The following GALNT13 variants were observed in gnomAD, a reference collection of about 807,000 sequenced individuals.
The protein encoded by GALNT13 is UDP-GalNAc:polypeptide N-acetylgalactosaminyltransferase 13.
A neutral mutation model predicts 64.2 loss-of-function variants in GALNT13; 28 were observed. The ratio of observed to expected loss-of-function variants is 0.44; its 90% CI spans 0.32 to 0.60. The LOEUF is 0.60. Among genes scored for constraint, GALNT13 ranks in the 20% least tolerant of loss-of-function variants. The probability of loss-of-function intolerance (pLI) is 0.05; values close to 1 mark genes in which losing one functional copy is unlikely to be tolerated. For synonymous variants in GALNT13, 214 were observed against 224.6 expected (o/e 0.95, Z 0.42); for missense variants, 577 against 669.8 (o/e 0.86, Z 1.53).
At chr2:153,135,870 T>A in the GALNT13 span, among the ~76,000 whole-genome samples, 2 of 152,018 alleles carry the variant, frequency 1.3e-5, no homozygotes, top group Admixed American at 1.3e-4. Flanking sequence ...AAGAATTAAT[T>A]TTTATATATG....
chr2:153,611,843 C>T, the GALNT13 span, among the ~76,000 whole-genome samples: 9 of 151,946 alleles, frequency 5.9e-5, no homozygotes, highest in African/African-American at 2.2e-4. Context: ...TGTCCTAGTG[C>T]TCTCCCTCCC....
chr2:153,439,017 T>G, the GALNT13 span, among the ~76,000 whole-genome samples: 4 of 152,174 alleles, frequency 2.6e-5, no homozygotes, highest in Non-Finnish European at 5.9e-5. Flanking sequence ...GTCCTTTCTG[T>G]TTGTTAGTTT....
the GALNT13 span, among the ~76,000 whole-genome samples, chr2:153,220,997 A>C: frequency 6.6e-6 from 1 of 152,124 alleles, no homozygotes; most frequent in Non-Finnish European, 1.5e-5. Flanking sequence ...GGTGGAGATC[A>C]AGAGGAAGGA....
At chr2:154,318,868 TAC>T (rs1694466520) in intron 9 of GALNT13, among the ~76,000 whole-genome samples, 1 of 152,054 alleles carries the variant, frequency 6.6e-6, no homozygotes, top group Admixed American at 6.6e-5. Context: ...ATTTTAAGTA[TAC>T]ACACGCGCGC....
At chr2:153,658,603 C>T in the GALNT13 span, among the ~76,000 whole-genome samples, 1 of 152,024 alleles carries the variant, frequency 6.6e-6, no homozygotes, top group Admixed American at 6.6e-5. Context: ...TCAAATAGTG[C>T]TTATTTTCTT....
chr2:153,555,198 T>G, the GALNT13 span, among the ~76,000 whole-genome samples: 1 of 126,244 alleles, frequency 7.9e-6, no homozygotes, highest in East Asian at 2.2e-4. Flanking sequence ...TACTTTTTTT[T>G]TTTTTTTTTT....
chr2:153,222,307 T>TGGGGGCGGGGGGCGGGGG, the GALNT13 span, among the ~76,000 whole-genome samples: 3 of 6,326 alleles, frequency 4.7e-4, no homozygotes, highest in African/African-American at 2.2e-3. Flanking sequence ...TGAGTCTGGC[T>TGGGGGCGGGGGGCGGGGG]GGGGGGGGGG....
rs116179418 is a variant in GALNT13 at position 154,048,012 on chromosome 2, A to T, written c.143-92325A>T. Among the ~76,000 whole-genome samples the T allele has an allele frequency of 7.0e-3, 1,062 of 152,312 alleles. 10 individuals carry two copies. The highest frequency in any genetic ancestry group is 0.023 in the African/African-American group (975 of 41,564). On this transcript the variant is annotated intron_variant, in intron 3 of 12. Transcript: ENST00000392825. ...GTAATTTATAAAGAAAAGAGGTTTAATTGGCTCATGATTCAGCAGGCTGTT... is the reference window on the plus strand; with the variant it reads ...GTAATTTATAAAGAAAAGAGGTTTATTTGGCTCATGATTCAGCAGGCTGTT...
chr2:153,660,192 C>G, the GALNT13 span, among the ~76,000 whole-genome samples: 55 of 152,180 alleles, frequency 3.6e-4, no homozygotes, highest in African/African-American at 1.0e-3. Context: ...TTAGGTTGTC[C>G]ATTAAACTTC....
intron 3 of GALNT13, among the ~76,000 whole-genome samples, chr2:154,079,567 C>T (rs1701165658): frequency 6.6e-6 from 1 of 151,516 alleles, no homozygotes; most frequent in East Asian, 1.9e-4. Context: ...TAACCTTGCA[C>T]CTCAAATTTT....
intron 1 of GALNT13, among the ~76,000 whole-genome samples, chr2:153,889,427 C>A (rs1233172679): frequency 3.3e-5 from 5 of 151,960 alleles, no homozygotes; most frequent in Admixed American, 3.3e-4. Context: ...TCCTTCCTCA[C>A]CCCACACTAA....
chr2:153,521,852 T>A, the GALNT13 span, among the ~76,000 whole-genome samples: 1 of 152,202 alleles, frequency 6.6e-6, no homozygotes, highest in Non-Finnish European at 1.5e-5. Context: ...GTCCTCTGTG[T>A]CTTTTCATGG....
chr2:154,212,890 T>C (rs1687855041), intron 4 of GALNT13, among the ~76,000 whole-genome samples: 1 of 151,972 alleles, frequency 6.6e-6, no homozygotes, highest in Non-Finnish European at 1.5e-5. Flanking sequence ...ATTTTATTAA[T>C]CTCAATGGTA....
intron 8 of GALNT13, among the ~76,000 whole-genome samples, chr2:154,265,532 C>G: frequency 6.6e-6 from 1 of 152,016 alleles, no homozygotes; most frequent in East Asian, 1.9e-4. Flanking sequence ...AACCCTGTCT[C>G]TACTAAAAAT....
chr2:153,578,572 G>A, the GALNT13 span, among the ~76,000 whole-genome samples: 1 of 152,188 alleles, frequency 6.6e-6, no homozygotes, highest in South Asian at 2.1e-4. Flanking sequence ...GAAATAAAGA[G>A]CGTAAGATCT....
the GALNT13 span, among the ~76,000 whole-genome samples, chr2:153,704,167 T>G: frequency 6.6e-6 from 1 of 152,262 alleles, no homozygotes; most frequent in Non-Finnish European, 1.5e-5. Flanking sequence ...TATTCAAAAC[T>G]TTCTCTTTCT....
At chr2:154,295,965 T>C (rs936398936) in intron 8 of GALNT13, among the ~76,000 whole-genome samples, 39 of 152,220 alleles carry the variant, frequency 2.6e-4, no homozygotes, top group Non-Finnish European at 4.4e-4. Flanking sequence ...TACTGTTTTC[T>C]TAAAACTGTG....
At chr2:153,431,944 G>C in the GALNT13 span, among the ~76,000 whole-genome samples, 2 of 152,122 alleles carry the variant, frequency 1.3e-5, no homozygotes, top group Non-Finnish European at 2.9e-5. Flanking sequence ...AGCTGTAATA[G>C]CTCCTAGGAA....
At chr2:153,454,915 G>C in the GALNT13 span, among the ~76,000 whole-genome samples, 2 of 152,344 alleles carry the variant, frequency 1.3e-5, no homozygotes, top group Admixed American at 1.3e-4. Context: ...GACATTAAAA[G>C]ATTGATATGT....
Sources: gnomAD v4.1 joint callset for allele counts (sites outside exome capture counted in the v4.1 genomes callset) on GRCh38, gnomAD v4.1.1 for gene constraint, MANE v1.5 for transcripts, NCBI Gene and HGNC (gene_info 2026-07-23, HGNC 2026-07-21) for gene names.